THSD4: variants seen among roughly 807,000 people sequenced by gnomAD.
THSD4 encodes the protein thrombospondin type-1 domain-containing protein 4.
Under a neutral mutation model 119.0 loss-of-function variants are expected in THSD4, and 69 were observed. That is an observed-to-expected ratio of 0.58 (90% CI 0.48 to 0.71). The LOEUF (loss-of-function observed/expected upper bound fraction) is 0.71. Ranked by LOEUF, THSD4 falls within the 30% of genes least tolerant of loss-of-function variation. The pLI, the probability that THSD4 is intolerant of heterozygous loss-of-function variation, is 0.00. For synonymous variants in THSD4, 524 were observed against 540.4 expected (o/e 0.97, Z 0.42); for missense variants, 1,393 against 1,391.1 (o/e 1.00, Z -0.02).
chr15:71,774,323 A>AC (rs1555451852), intron 17 of THSD4, among the ~76,000 whole-genome samples: 1,858 of 147,790 alleles, frequency 0.013, 49 homozygotes, highest in African/African-American at 0.041. Flanking sequence ...AAAAAAAAAA[A>AC]AAAACTACAA....
intron 7 of THSD4, among the ~76,000 whole-genome samples, chr15:71,570,138 A>G (rs533685281): frequency 6.6e-6 from 1 of 152,372 alleles, no homozygotes; most frequent in South Asian, 2.1e-4. Flanking sequence ...AACACCTAAC[A>G]TCAGTGAACA....
At chr15:71,268,907 A>T (rs2044496630) in intron 6 of THSD4, among the ~76,000 whole-genome samples, 1 of 152,190 alleles carries the variant, frequency 6.6e-6, no homozygotes. Flanking sequence ...TCCAAGACTA[A>T]ACCAGGAAGA....
At chr15:71,290,486 C>T (rs781081429) in intron 6 of THSD4, among the ~76,000 whole-genome samples, 33 of 152,102 alleles carry the variant, frequency 2.2e-4, no homozygotes, top group Non-Finnish European at 3.8e-4. Flanking sequence ...CATCTATCAA[C>T]GGATTGCTTG....
intron 7 of THSD4, among the ~76,000 whole-genome samples, chr15:71,562,954 C>T (rs559176413): frequency 1.3e-5 from 2 of 152,126 alleles, no homozygotes; most frequent in Non-Finnish European, 2.9e-5. Flanking sequence ...CCACCCGCCT[C>T]GGCCTCCCAA....
chr15:71,547,606 A>G (rs909587755), intron 7 of THSD4: 1 of 1,111,508 alleles, frequency 9.0e-7, no homozygotes, highest in Non-Finnish European at 1.2e-6. Context: ...GCTTTATATT[A>G]CTTTTGTAGG....
rs115643367 is a variant in THSD4 at position 71,242,868 on chromosome 15, C to T, written c.684C>T (p.Asp228=). ...AACATGGGCCTTTGTACCAAAGTGACAGTGGCCCTCGCTCTGGACTGCAGG... is the reference window on the plus strand; with the variant it reads ...AACATGGGCCTTTGTACCAAAGTGATAGTGGCCCTCGCTCTGGACTGCAGG... The part of the protein sequence containing the change: ...VPQHGPLYQS[D]SGPRSGLQAA... The change falls in exon 5 of 18, where the codon GAC becomes GAT. Residue 228 remains aspartate (D), a synonymous_variant. Transcript: ENST00000261862. The T allele has an allele frequency of 8.7e-4, 1,407 of 1,614,208 alleles. 6 individuals are homozygous for T. In the African/African-American group the frequency reaches 9.5e-3, roughly 11 times the overall value.
intron 3 of THSD4, chr15:71,186,196 A>G (rs1304339555): frequency 1.3e-5 from 2 of 152,220 alleles, no homozygotes; most frequent in Non-Finnish European, 2.9e-5. Context: ...GAAAAGAGGC[A>G]TTATCCACAG....
chr15:71,318,979 C>G (rs564495910), intron 6 of THSD4, among the ~76,000 whole-genome samples: 8 of 152,246 alleles, frequency 5.3e-5, no homozygotes, highest in African/African-American at 1.7e-4. Flanking sequence ...TCCTCAGTTT[C>G]AAAATGAGGA....
chr15:71,481,649 A>G (rs2047731364), intron 7 of THSD4, among the ~76,000 whole-genome samples: 1 of 149,492 alleles, frequency 6.7e-6, no homozygotes, highest in East Asian at 2.0e-4. Flanking sequence ...TCCCCTTTTC[A>G]TTTGTTCATT....
chr15:71,417,660 T>A (rs2046774498), intron 7 of THSD4, among the ~76,000 whole-genome samples: 1 of 108,518 alleles, frequency 9.2e-6, no homozygotes, highest in East Asian at 3.0e-4. Context: ...TGATTTGAAA[T>A]CAAGTAATGT....
intron 7 of THSD4, among the ~76,000 whole-genome samples, chr15:71,469,601 C>A (rs913529838): frequency 6.6e-6 from 1 of 152,146 alleles, no homozygotes; most frequent in Non-Finnish European, 1.5e-5. Context: ...CTAAGCAGCA[C>A]CCACATGAAT....
rs147501229 is a variant in THSD4, at chr15:71,217,002, G to A, written c.464+1603G>A. On this transcript the variant is annotated intron_variant, in intron 4 of 17. Coordinates refer to ENST00000261862, the MANE Select transcript of THSD4 (RefSeq NM_024817.3). ...AGTAGAGGTGGGGTTTCGCCATGTT[G>A]GCCAGGCTGGTCTTGAACTCCTGAC... is the stretch of plus-strand genomic sequence containing the variant. 2.3e-4 allele frequency among the ~76,000 whole-genome samples: 35 copies of A among 152,188 alleles called. No homozygotes were observed. In the East Asian group the frequency reaches 6.4e-3, roughly 28 times the overall value.
intron 7 of THSD4, among the ~76,000 whole-genome samples, chr15:71,413,323 T>C (rs2046715543): frequency 6.6e-6 from 1 of 152,124 alleles, no homozygotes; most frequent in African/African-American, 2.4e-5. Context: ...TCTACTCTTT[T>C]AGTTTTCTTA....
At chr15:71,345,113 G>C (rs2045636507) in intron 6 of THSD4, among the ~76,000 whole-genome samples, 1 of 147,052 alleles carries the variant, frequency 6.8e-6, no homozygotes, top group Non-Finnish European at 1.5e-5. Flanking sequence ...TGTAGCCTGG[G>C]TCTGTGATAT....
chr15:71,729,754 G>A (rs141327540), intron 9 of THSD4: 8 of 152,096 alleles, frequency 5.3e-5, no homozygotes, highest in East Asian at 3.9e-4. Context: ...TTTCATAAAC[G>A]GGACAAGGTT....
intron 3 of THSD4, chr15:71,185,525 A>G (rs1254730738): frequency 6.6e-6 from 1 of 152,112 alleles, no homozygotes; most frequent in African/African-American, 2.4e-5. Context: ...GAAAAAAATA[A>G]CAACAATATC....
chr15:71,462,235 G>A (rs967473451), intron 7 of THSD4, among the ~76,000 whole-genome samples: 1 of 152,164 alleles, frequency 6.6e-6, no homozygotes, highest in African/African-American at 2.4e-5. Flanking sequence ...GATCATGGCT[G>A]TCTGCAGCCT....
intron 7 of THSD4, among the ~76,000 whole-genome samples, chr15:71,628,515 G>A (rs534854153): frequency 6.6e-6 from 1 of 152,300 alleles, no homozygotes; most frequent in East Asian, 1.9e-4. Context: ...GCAGAGACCA[G>A]GGCTGCTCAC....
At chr15:71,308,115 C>G (rs2045057524) in intron 6 of THSD4, among the ~76,000 whole-genome samples, 1 of 152,162 alleles carries the variant, frequency 6.6e-6, no homozygotes, top group African/African-American at 2.4e-5. Flanking sequence ...GGCATTCACC[C>G]TGAATACTGG....
Sources: allele counts gnomAD v4.1 joint callset (sites outside exome capture counted in the v4.1 genomes callset), GRCh38; gene constraint gnomAD v4.1.1; transcripts MANE v1.5; gene names NCBI Gene and HGNC (gene_info 2026-07-23, HGNC 2026-07-21).